The following IQCM variants were observed in gnomAD, a reference collection of about 807,000 sequenced individuals.
IQCM encodes IQ domain-containing protein M.
In IQCM, 45 loss-of-function variants were observed where a neutral mutation model predicts 57.6. That is an observed-to-expected ratio of 0.78 (90% confidence interval 0.62 to 1.00). The LOEUF is 1.00. Among genes scored for constraint, IQCM ranks in the 50% least tolerant of loss-of-function variants. The pLI is 0.00. For missense variants in IQCM, 468 were observed against 511.6 expected, an observed-to-expected ratio of 0.91 and a Z score of 0.82; for synonymous variants, 148 against 158.9, an observed-to-expected ratio of 0.93 and a Z score of 0.51.
intron 13 of IQCM, among the ~76,000 whole-genome samples, chr4:149,370,889 T>TAAA (rs756267354): frequency 0.18 from 27,373 of 152,022 alleles, 2,624 homozygotes; most frequent in South Asian, 0.33. Flanking sequence ...GTTAATTCTT[T>TAAA]ATAGATAAAT....
chr4:149,479,301 C>T (rs1470756536), intron 12 of IQCM, among the ~76,000 whole-genome samples: 2 of 152,088 alleles, frequency 1.3e-5, no homozygotes, highest in Admixed American at 6.6e-5. Flanking sequence ...GGAAAAACAC[C>T]ATTCTAGGGG....
rs1031859690 is a variant in IQCM, at chr4:149,567,895, G to C, written c.750-4005C>G. Reference sequence around the variant, plus strand: ...CCTTATGTTTACTTCTGCATATTAGGACCATTGGCTCAAAAGCTTGCCAGC... The same window carrying C: ...CCTTATGTTTACTTCTGCATATTAGCACCATTGGCTCAAAAGCTTGCCAGC... On this transcript the variant is annotated intron_variant, in intron 9 of 13. Transcript: ENST00000636793. 3.9e-5 allele frequency among the ~76,000 whole-genome samples: 6 copies of C among 152,014 alleles called. No individual in the cohort carries two copies. In the South Asian group the frequency reaches 1.2e-3, roughly 32 times the overall value.
Position 149,493,543 on chromosome 4 carries a change from G to A in IQCM, c.1228+54912C>T, listed in dbSNP as rs73859753. ...TCCCCAAAATATATATGTTGAAATT[G>A]CCTCTAACTATGTGGTTTGAGAGCA... On this transcript the variant is annotated intron_variant, in intron 12 of 13. Coordinates refer to ENST00000636793, the MANE Select transcript of IQCM (RefSeq NM_001363507.2). Among the ~76,000 whole-genome samples, 1,423 of 152,068 alleles carry A rather than the reference G, an allele frequency of 9.4e-3. 16 individuals are homozygous for A. Among genetic ancestry groups the A allele is most frequent in the African/African-American group, 0.033 (1,351 of 41,496 alleles).
intron 13 of IQCM, among the ~76,000 whole-genome samples, chr4:149,386,066 C>A (rs1296717857): frequency 6.6e-6 from 1 of 151,964 alleles, no homozygotes; most frequent in Non-Finnish European, 1.5e-5. Context: ...AAAGAAAAGT[C>A]GTAATAGTAG....
At chr4:149,526,838 G>A (rs905782358) in intron 12 of IQCM, among the ~76,000 whole-genome samples, 1 of 151,804 alleles carries the variant, frequency 6.6e-6, no homozygotes, top group Middle Eastern at 3.2e-3. Flanking sequence ...TTTTTATTTT[G>A]TTGTTGTTTC....
intron 8 of IQCM, among the ~76,000 whole-genome samples, chr4:149,598,177 A>C (rs1753951072): frequency 6.6e-6 from 1 of 152,188 alleles, no homozygotes; most frequent in African/African-American, 2.4e-5. Flanking sequence ...GAGGTCTGTG[A>C]TGCTAGATGT....
intron 13 of IQCM, among the ~76,000 whole-genome samples, chr4:149,400,924 C>T (rs546492313): frequency 6.6e-6 from 1 of 151,848 alleles, no homozygotes; most frequent in Non-Finnish European, 1.5e-5. Flanking sequence ...AACCAGAGTG[C>T]CCTGTCATAT....
chr4:149,743,740 G>A (rs1767675762), intron 2 of IQCM, among the ~76,000 whole-genome samples: 1 of 152,082 alleles, frequency 6.6e-6, no homozygotes, highest in East Asian at 1.9e-4. Context: ...CTCAACAAAG[G>A]GCTGATTAAT....
At chr4:149,574,826 T>G (rs148350624) in intron 9 of IQCM, among the ~76,000 whole-genome samples, 1 of 152,082 alleles carries the variant, frequency 6.6e-6, no homozygotes, top group Non-Finnish European at 1.5e-5. Flanking sequence ...GTTCATAGGT[T>G]GAAAGTGATT....
chr4:149,652,855 A>C (rs1759314627), intron 7 of IQCM, among the ~76,000 whole-genome samples: 1 of 152,190 alleles, frequency 6.6e-6, no homozygotes, highest in Non-Finnish European at 1.5e-5. Context: ...TGAGATTAAA[A>C]TCTTGAAACT....
intron 13 of IQCM, among the ~76,000 whole-genome samples, chr4:149,383,656 A>G (rs945192082): frequency 6.6e-6 from 1 of 152,136 alleles, no homozygotes; most frequent in Non-Finnish European, 1.5e-5. Context: ...TTCTCTATAG[A>G]ATATTCGAGA....
rs1762533172 is a variant in IQCM, at chr4:149,686,161, T to A, written c.476+217A>T. ...GCACTGTAAAACCCAGATGGTTTAC[T>A]TAACTACTCAGACATCCTCCAGTTC... is the stretch of plus-strand genomic sequence containing the variant. On this transcript the variant is annotated intron_variant, in intron 6 of 13. Coordinates refer to ENST00000636793, the MANE Select transcript of IQCM (RefSeq NM_001363507.2). 2.0e-5 allele frequency among the ~76,000 whole-genome samples: 3 copies of A among 151,584 alleles called. 1 individual carries two copies. The South Asian group carries it at 6.2e-4, about 31-fold the overall frequency.
At chr4:149,352,991 C>T (rs1728681977) in intron 13 of IQCM, among the ~76,000 whole-genome samples, 2 of 152,002 alleles carry the variant, frequency 1.3e-5, no homozygotes, top group Admixed American at 6.6e-5. Context: ...ATCAACATGG[C>T]TAAAAGGAAA....
chr4:149,595,581 C>T (rs1329350778), intron 8 of IQCM, among the ~76,000 whole-genome samples: 1 of 152,086 alleles, frequency 6.6e-6, no homozygotes, highest in Non-Finnish European at 1.5e-5. Flanking sequence ...CAGTCATGTC[C>T]CTAGCGCCTT....
chr4:149,417,768 G>A (rs574018535), intron 13 of IQCM, among the ~76,000 whole-genome samples: 1 of 151,436 alleles, frequency 6.6e-6, no homozygotes, highest in South Asian at 2.1e-4. Flanking sequence ...AAGCTAGTGG[G>A]GATATGTTCA....
At chr4:149,588,987 T>G (rs1266350345) in intron 8 of IQCM, among the ~76,000 whole-genome samples, 1 of 151,928 alleles carries the variant, frequency 6.6e-6, no homozygotes, top group Non-Finnish European at 1.5e-5. Context: ...TATATAATCC[T>G]TCAATATTAG....
chr4:149,734,856 A>G (rs1252832258), intron 4 of IQCM, among the ~76,000 whole-genome samples: 1 of 152,130 alleles, frequency 6.6e-6, no homozygotes, highest in Non-Finnish European at 1.5e-5. Flanking sequence ...GCAAATATTT[A>G]TTGAGCCAGG....
chr4:149,415,647 C>A (rs770561644), intron 13 of IQCM, among the ~76,000 whole-genome samples: 5 of 151,516 alleles, frequency 3.3e-5, no homozygotes, highest in Non-Finnish European at 7.4e-5. Flanking sequence ...AAATTGCAAC[C>A]AAAATTGGAA....
intron 7 of IQCM, among the ~76,000 whole-genome samples, chr4:149,625,196 A>C (rs899690145): frequency 6.6e-6 from 1 of 152,202 alleles, no homozygotes; most frequent in Admixed American, 6.5e-5. Context: ...AAATTTTAGA[A>C]TTAATGACTG....
Sources: gnomAD v4.1 joint callset for allele counts (sites outside exome capture counted in the v4.1 genomes callset) on GRCh38, gnomAD v4.1.1 for gene constraint, MANE v1.5 for transcripts, NCBI Gene and HGNC (gene_info 2026-07-23, HGNC 2026-07-21) for gene names.